Variants in LRRC7 observed in about 807,000 individuals in gnomAD.
LRRC7 encodes the protein leucine-rich repeat-containing protein 7.
In LRRC7, 23 loss-of-function variants were observed where a neutral mutation model predicts 175.7. The observed-to-expected ratio is 0.13, with a 90% CI of 0.09 to 0.19. LRRC7 has a LOEUF of 0.19. Among genes scored for constraint, LRRC7 ranks in the 10% least tolerant of loss-of-function variants. LRRC7 has a pLI of 1.00. For missense variants in LRRC7, 1,354 were observed against 1,904.7 expected, an observed-to-expected ratio of 0.71 and a Z score of 5.38; for synonymous variants, 685 against 680.9, an observed-to-expected ratio of 1.01 and a Z score of -0.09.
At chr1:69,911,847 C>T (rs536446560) in intron 7 of LRRC7, among the ~76,000 whole-genome samples, 8 of 151,806 alleles carry the variant, frequency 5.3e-5, no homozygotes, top group Admixed American at 1.3e-4. Context: ...TTGATACACC[C>T]GTCAGGGTAT....
intron 21 of LRRC7, among the ~76,000 whole-genome samples, chr1:70,042,398 A>C (rs1307606416): frequency 6.6e-6 from 1 of 152,228 alleles, no homozygotes; most frequent in Non-Finnish European, 1.5e-5. Context: ...AAAATCAAAT[A>C]GTTACACAAG....
At chr1:69,750,829 T>C (rs1224980627) in intron 2 of LRRC7, among the ~76,000 whole-genome samples, 2 of 152,214 alleles carry the variant, frequency 1.3e-5, no homozygotes, top group Non-Finnish European at 2.9e-5. Flanking sequence ...GGGGTCTTCA[T>C]GACTTAGTCA....
intron 1 of LRRC7, among the ~76,000 whole-genome samples, chr1:69,590,791 G>A (rs957653227): frequency 6.6e-6 from 1 of 152,050 alleles, no homozygotes; most frequent in Non-Finnish European, 1.5e-5. Flanking sequence ...GTCCAGGCTT[G>A]ATATCAAATA....
chr1:69,763,084 A>T (rs1302171875), intron 3 of LRRC7, among the ~76,000 whole-genome samples: 1 of 152,082 alleles, frequency 6.6e-6, no homozygotes, highest in Non-Finnish European at 1.5e-5. Context: ...GGAAAAAAAT[A>T]GGAAATACAA....
At chr1:69,672,590 G>A (rs757988740) in intron 1 of LRRC7, among the ~76,000 whole-genome samples, 2 of 152,074 alleles carry the variant, frequency 1.3e-5, no homozygotes, top group Non-Finnish European at 1.5e-5. Flanking sequence ...GCATATAATA[G>A]GCATTTGAGA....
chr1:69,980,417 A>G lies in LRRC7; in HGVS notation c.750A>G (p.Leu250=), dbSNP rs1349234495. 1 of 1,612,608 alleles carries G rather than the reference A, an allele frequency of 6.2e-7. No individual in the cohort carries two copies. Among genetic ancestry groups the G allele is most frequent in the Non-Finnish European group, 8.5e-7 (1 of 1,179,380 alleles). Residue 250 remains leucine, a synonymous_variant, in exon 9 of 27, where the codon TTA becomes TTG. Transcript: ENST00000651989. ...ATCAAATACAAAATTTGAGGGAGTT[A>G]TGGATGGATAATAATGCATTACAAG... The part of the protein sequence containing the change: ...VLDQIQNLRE[L]WMDNNALQVL...
intron 7 of LRRC7, among the ~76,000 whole-genome samples, chr1:69,881,545 A>G (rs576760179): frequency 4.6e-5 from 7 of 152,136 alleles, no homozygotes; most frequent in Non-Finnish European, 1.0e-4. Flanking sequence ...GACTAACTCA[A>G]ACAAAAAGGT....
intron 1 of LRRC7, among the ~76,000 whole-genome samples, chr1:69,650,418 C>A (rs920826904): frequency 2.6e-5 from 4 of 151,316 alleles, no homozygotes; most frequent in African/African-American, 9.7e-5. Flanking sequence ...TGGGTGCCTG[C>A]AGTCCCAGCT....
intron 2 of LRRC7, among the ~76,000 whole-genome samples, chr1:69,718,062 AATAAG>A (rs1180106474): frequency 2.8e-4 from 41 of 144,280 alleles, no homozygotes; most frequent in Admixed American, 8.4e-4. Context: ...GAAATGAAGA[AATAAG>A]AGAAAGAGAA....
intron 1 of LRRC7, among the ~76,000 whole-genome samples, chr1:69,636,012 G>A (rs1653296220): frequency 6.6e-6 from 1 of 151,836 alleles, no homozygotes; most frequent in African/African-American, 2.4e-5. Flanking sequence ...TTTTAAGTTG[G>A]TAGGTAAAAT....
Position 70,133,869 on chromosome 1 carries a change from C to T in LRRC7, c.*11982C>T, listed in dbSNP as rs1184045965. 6.6e-6 allele frequency among the ~76,000 whole-genome samples: 1 copy of T among 152,164 alleles called. No homozygotes were observed. The highest frequency in any genetic ancestry group is 1.5e-5 in the Non-Finnish European group (1 of 68,014). ...TAGCCACACTTCCTTCAGGTATGCCCATTCCAAGTATGTGGGAATAGATTT... is the reference window on the plus strand; with the variant it reads ...TAGCCACACTTCCTTCAGGTATGCCTATTCCAAGTATGTGGGAATAGATTT... On this transcript the variant is annotated 3_prime_UTR_variant, in exon 27 of 27. Coordinates refer to ENST00000651989, the MANE Select transcript of LRRC7 (RefSeq NM_001370785.2).
chr1:69,753,157 A>G (rs114040219), intron 2 of LRRC7, among the ~76,000 whole-genome samples: 48 of 152,204 alleles, frequency 3.2e-4, no homozygotes, highest in African/African-American at 9.9e-4. Context: ...CACTTTCTCC[A>G]TTCCACCATA....
At chr1:69,591,906 C>A (rs924562325) in intron 1 of LRRC7, among the ~76,000 whole-genome samples, 3 of 152,010 alleles carry the variant, frequency 2.0e-5, no homozygotes, top group Non-Finnish European at 4.4e-5. Context: ...ATCATTTCTT[C>A]TTTTATTTCC....
chr1:69,667,223 C>T (rs1357074043), intron 1 of LRRC7, among the ~76,000 whole-genome samples: 1 of 151,828 alleles, frequency 6.6e-6, no homozygotes, highest in Non-Finnish European at 1.5e-5. Context: ...TGTGATTTAA[C>T]ATATGGTCTA....
At chr1:70,106,576 T>C (rs893123543) in intron 25 of LRRC7, among the ~76,000 whole-genome samples, 3 of 152,228 alleles carry the variant, frequency 2.0e-5, no homozygotes, top group African/African-American at 7.2e-5. Context: ...TAAAATCTTA[T>C]CACAATCATG....
chr1:69,585,916 G>A (rs1453705448), intron 1 of LRRC7, among the ~76,000 whole-genome samples: 3 of 152,130 alleles, frequency 2.0e-5, no homozygotes, highest in African/African-American at 7.2e-5. Context: ...ACAAGAGACT[G>A]CTTTTGCTTC....
At chr1:69,812,646 A>C (rs1245127903) in intron 4 of LRRC7, among the ~76,000 whole-genome samples, 1 of 152,158 alleles carries the variant, frequency 6.6e-6, no homozygotes, top group Non-Finnish European at 1.5e-5. Context: ...GAGAGGTATC[A>C]TTAGGACTTT....
chr1:69,670,353 A>C (rs1233224876), intron 1 of LRRC7, among the ~76,000 whole-genome samples: 2 of 152,192 alleles, frequency 1.3e-5, no homozygotes, highest in Non-Finnish European at 2.9e-5. Flanking sequence ...GTTGTCTTGC[A>C]TAAGATTCAG....
Position 70,139,045 on chromosome 1 carries a change from C to T in LRRC7, c.*17158C>T, listed in dbSNP as rs1284737627. 2 of 152,130 alleles carry T rather than the reference C, an allele frequency of 1.3e-5. No homozygotes were observed. The highest frequency in any genetic ancestry group is 1.9e-4 in the East Asian group (1 of 5,198). 9.4% of individuals were successfully genotyped at this position (152,130 alleles called of 1,614,324 possible). A position where few individuals can be genotyped will look rare whatever the true frequency, so the allele number is the denominator to read the frequency against. Reference sequence around the variant, plus strand: ...AATGCTTTATGTAGCTTCAATTAGTCCTGCATCAGGTTATTCTAATGCTTC... The same window carrying T: ...AATGCTTTATGTAGCTTCAATTAGTTCTGCATCAGGTTATTCTAATGCTTC... On this transcript the variant is annotated 3_prime_UTR_variant, in exon 27 of 27. Transcript: ENST00000651989.
Sources: gnomAD v4.1 joint callset for allele counts (sites outside exome capture counted in the v4.1 genomes callset) on GRCh38, gnomAD v4.1.1 for gene constraint, MANE v1.5 for transcripts, NCBI Gene and HGNC (gene_info 2026-07-23, HGNC 2026-07-21) for gene names.